Variants in VWA3A observed in about 807,000 individuals in gnomAD.
VWA3A encodes von Willebrand factor A domain containing 3A.
Under a neutral mutation model 160.4 loss-of-function variants are expected in VWA3A, and 134 were observed. That is an observed-to-expected ratio of 0.84 (90% CI 0.73 to 0.96). VWA3A has a LOEUF of 0.96. VWA3A is among the 40% of genes least tolerant of loss of function. The probability of loss-of-function intolerance (pLI) is 0.00; values close to 1 mark genes in which losing one functional copy is unlikely to be tolerated. For synonymous variants in VWA3A, 476 were observed against 543.4 expected (o/e 0.88, Z 1.72); for missense variants, 1,310 against 1,447.9 (o/e 0.90, Z 1.55).
At chr16:22,107,877 A>G (rs575617818) in intron 6 of VWA3A, among the ~76,000 whole-genome samples, 1 of 152,316 alleles carries the variant, frequency 6.6e-6, no homozygotes, top group East Asian at 1.9e-4. Flanking sequence ...CTTTGGAACA[A>G]GGAGGAGGGG....
chr16:22,123,160 T>C lies in VWA3A; in HGVS notation c.1432T>C (p.Tyr478His), dbSNP rs753459962. 6.2e-7 allele frequency: 1 copy of C among 1,601,436 alleles called. No individual in the cohort carries two copies. Among genetic ancestry groups the C allele is most frequent in the South Asian group, 1.1e-5 (1 of 88,488 alleles). ...IHVDPPFLYKYQQQLSRAMRM... is the reference protein window; with the variant it reads ...IHVDPPFLYKHQQQLSRAMRM... ...TGTGGACCCACCCTTCCTCTATAAG[T>C]ACCAGGTCAGTGATGGGTTCAATCA... Residue 478 changes from tyrosine (Y) to histidine (H), a missense_variant, in exon 15 of 34, where the codon TAC (tyrosine) becomes CAC (histidine). Transcript: ENST00000389398.
intron 9 of VWA3A, among the ~76,000 whole-genome samples, chr16:22,116,176 AGAAT>A (rs925788294): frequency 2.7e-4 from 40 of 150,286 alleles, no homozygotes; most frequent in African/African-American, 9.4e-4. Context: ...AAAGAAACAA[AGAAT>A]GAAAGAAGGA....
chr16:22,093,299 A>T (rs891222877), intron 1 of VWA3A, among the ~76,000 whole-genome samples: 4 of 152,216 alleles, frequency 2.6e-5, no homozygotes, highest in African/African-American at 2.4e-5. Flanking sequence ...TAAAACAAGT[A>T]GATAAGCAAA....
intron 3 of VWA3A, among the ~76,000 whole-genome samples, chr16:22,098,952 G>A (rs1204681598): frequency 2.7e-5 from 4 of 148,936 alleles, no homozygotes; most frequent in African/African-American, 9.9e-5. Flanking sequence ...ACAAATTAGT[G>A]AGGTGTGGTG....
chr16:22,123,520 C>T, intron 15 of VWA3A, 93 bp from the exon 16 acceptor site: 1 of 1,607,892 alleles, frequency 6.2e-7, no homozygotes, highest in Non-Finnish European at 8.5e-7. Context: ...ACACACCATT[C>T]CCTGAAGCCC....
intron 1 of VWA3A, among the ~76,000 whole-genome samples, chr16:22,095,023 C>T (rs1213962810): frequency 6.6e-6 from 1 of 151,960 alleles, no homozygotes; most frequent in East Asian, 1.9e-4. Flanking sequence ...CTTCACCTTC[C>T]CTTCTCAAAA....
chr16:22,141,746 G>A (rs2046154528), intron 24 of VWA3A, 54 bp downstream of exon 24: 1 of 1,489,042 alleles, frequency 6.7e-7, no homozygotes, highest in Non-Finnish European at 9.2e-7. Flanking sequence ...TGGGGGAGCT[G>A]TAAGGGCAGC....
chr16:22,131,475 T>C (rs2045946720), intron 18 of VWA3A, 110 bp from the exon 19 acceptor site: 2 of 1,517,300 alleles, frequency 1.3e-6, no homozygotes, highest in Admixed American at 2.1e-5. Flanking sequence ...ATGAGAGTGA[T>C]GACATCGACT....
chr16:22,117,648 A>G (rs2045669593), intron 11 of VWA3A, among the ~76,000 whole-genome samples: 1 of 152,218 alleles, frequency 6.6e-6, no homozygotes, highest in Admixed American at 6.5e-5. Flanking sequence ...TGTCCCAGTT[A>G]ATAACTAGAC....
intron 10 of VWA3A, 26 bp downstream of exon 10, chr16:22,116,893 G>A (rs930257060): frequency 3.7e-6 from 6 of 1,601,830 alleles, no homozygotes; most frequent in Non-Finnish European, 5.1e-6. Flanking sequence ...TCTCTGAGGT[G>A]CCCCTTGGCT....
At chr16:22,120,587 C>A (rs937122223) in intron 12 of VWA3A, among the ~76,000 whole-genome samples, 1 of 152,146 alleles carries the variant, frequency 6.6e-6, no homozygotes, top group Non-Finnish European at 1.5e-5. Flanking sequence ...AATCTCTCAG[C>A]GCCTCAGTTC....
chr16:22,120,642 C>A (rs902309784), intron 12 of VWA3A, among the ~76,000 whole-genome samples: 1 of 152,144 alleles, frequency 6.6e-6, no homozygotes, highest in Non-Finnish European at 1.5e-5. Flanking sequence ...TGGGAGCTCA[C>A]TAAGTGATTT....
chr16:22,115,898 GAA>G (rs2045627386), intron 9 of VWA3A, among the ~76,000 whole-genome samples: 1 of 38,640 alleles, frequency 2.6e-5, no homozygotes, highest in Non-Finnish European at 3.9e-5. Context: ...AGGAAGGAAG[GAA>G]GGAAGGAAGG....
chr16:22,139,093 A>G (rs192807227), intron 22 of VWA3A, among the ~76,000 whole-genome samples: 1 of 152,290 alleles, frequency 6.6e-6, no homozygotes, highest in Admixed American at 6.5e-5. Context: ...TGCATGACTC[A>G]GACCCTGTGA....
At chr16:22,146,712 T>C (rs572982927) in intron 27 of VWA3A, among the ~76,000 whole-genome samples, 1 of 150,438 alleles carries the variant, frequency 6.6e-6, no homozygotes, top group East Asian at 2.0e-4. Flanking sequence ...GAGGTTGCAG[T>C]GAGCTGAGAT....
At chr16:22,153,374 T>G (rs776528539) in intron 31 of VWA3A, among the ~76,000 whole-genome samples, 23 of 152,038 alleles carry the variant, frequency 1.5e-4, no homozygotes, top group Non-Finnish European at 2.4e-4. Context: ...TAAAAACTAG[T>G]CAGAGGAAGT....
chr16:22,105,904 A>C (rs890272245), intron 6 of VWA3A, among the ~76,000 whole-genome samples: 1 of 152,216 alleles, frequency 6.6e-6, no homozygotes, highest in Non-Finnish European at 1.5e-5. Flanking sequence ...GTATTGAGTG[A>C]TTATTGTATA....
rs1991019 is a variant in VWA3A at position 22,149,612 on chromosome 16, A to G, written c.2985-175A>G. 2.3e-3 allele frequency among the ~76,000 whole-genome samples: 353 copies of G among 152,294 alleles called. 5 individuals are homozygous for G. The highest frequency in any genetic ancestry group is 8.0e-3 in the African/African-American group (331 of 41,570). Reference sequence around the variant, plus strand: ...CAGTGTGTACCCTCTCATTCTCAAGAGGCCCCACAGCCCTCTCCCTGAGGG... The same window carrying G: ...CAGTGTGTACCCTCTCATTCTCAAGGGGCCCCACAGCCCTCTCCCTGAGGG... On this transcript the variant is annotated intron_variant, in intron 28 of 33. Transcript: ENST00000389398.
Position 22,100,223 on chromosome 16 carries a change from A to G in VWA3A, c.255A>G (p.Ser85=). The G allele has an allele frequency of 6.5e-7, 1 of 1,550,248 alleles. No homozygotes were observed. The highest frequency in any genetic ancestry group is 8.7e-7 in the Non-Finnish European group (1 of 1,146,816). The change falls in exon 4 of 34, where the codon TCA becomes TCG. Residue 85 remains serine (S), a synonymous_variant. Coordinates refer to ENST00000389398, the MANE Select transcript of VWA3A (RefSeq NM_173615.5). ...LRLQGSETQS[S]DWEDSEDWLS... ...TGCAGGGGAGTGAGACCCAGTCTTCAGATTGGGAGGACTCTGAAGACTGGC... is the reference window on the plus strand; with the variant it reads ...TGCAGGGGAGTGAGACCCAGTCTTCGGATTGGGAGGACTCTGAAGACTGGC...
Sources: allele counts gnomAD v4.1 joint callset (sites outside exome capture counted in the v4.1 genomes callset), GRCh38; gene constraint gnomAD v4.1.1; transcripts MANE v1.5; gene names NCBI Gene and HGNC (gene_info 2026-07-23, HGNC 2026-07-21).